ICOS: variants seen among roughly 807,000 people sequenced by gnomAD.
The protein encoded by ICOS is inducible T-cell costimulator.
ICOS carries 15 observed loss-of-function variants against 24.6 expected under a neutral mutation model. The ratio of observed to expected loss-of-function variants is 0.61; its 90% CI spans 0.41 to 0.94. The LOEUF (loss-of-function observed/expected upper bound fraction) is 0.94, where lower values mean the gene tolerates loss of function less well. ICOS is among the 40% of genes least tolerant of loss of function. The pLI, the probability that ICOS is intolerant of heterozygous loss-of-function variation, is 0.00. For synonymous variants in ICOS, 89 were observed against 77.5 expected, an observed-to-expected ratio of 1.15 and a Z score of -0.78; for missense variants, 200 against 233.0, an observed-to-expected ratio of 0.86 and a Z score of 0.92.
At chr2:203,952,498 G>C (rs1312821379) in intron 1 of ICOS, among the ~76,000 whole-genome samples, 1 of 152,160 alleles carries the variant, frequency 6.6e-6, no homozygotes, top group Non-Finnish European at 1.5e-5. Context: ...TTTTCACTAA[G>C]ATACATCTAG....
intron 1 of ICOS, among the ~76,000 whole-genome samples, chr2:203,937,513 A>G (rs1261773743): frequency 6.6e-6 from 1 of 152,232 alleles, no homozygotes; most frequent in African/African-American, 2.4e-5. Flanking sequence ...CTCTATATGG[A>G]CAATTTAAAT....
chr2:203,938,510 A>G (rs987892591), intron 1 of ICOS, among the ~76,000 whole-genome samples: 5 of 152,178 alleles, frequency 3.3e-5, no homozygotes, highest in African/African-American at 9.7e-5. Flanking sequence ...CTGGAAAGGA[A>G]AGTAGAGGCC....
At position 203,960,724 on chromosome 2, in the gene ICOS, G is replaced by C. The variant is rs930330531; in HGVS notation, c.*1125G>C. On this transcript the variant is annotated 3_prime_UTR_variant, in exon 5 of 5. Coordinates refer to ENST00000316386, the MANE Select transcript of ICOS (RefSeq NM_012092.4). ...GCCTCTGGGCTTGACAGGTCAAAAT[G>C]GTCCCCATCAGCCTGGAGCAGCCCT... The C allele has an allele frequency of 1.3e-5, 2 of 152,200 alleles. No individual in the cohort carries two copies. The highest frequency in any genetic ancestry group is 2.9e-5 in the Non-Finnish European group (2 of 68,042). 9.4% of individuals were successfully genotyped at this position (152,200 alleles called of 1,614,324 possible).
chr2:203,952,015 T>A (rs1689986568), intron 1 of ICOS, among the ~76,000 whole-genome samples: 1 of 152,190 alleles, frequency 6.6e-6, no homozygotes, highest in Admixed American at 6.5e-5. Flanking sequence ...TGTATGCTTT[T>A]AAACATACTT....
intron 1 of ICOS, among the ~76,000 whole-genome samples, chr2:203,952,010 G>A (rs1689986399): frequency 6.6e-6 from 1 of 151,692 alleles, no homozygotes; most frequent in African/African-American, 2.4e-5. Flanking sequence ...CCTTCTGTAT[G>A]CTTTTAAACA....
chr2:203,936,917 A>G, intron 1 of ICOS, 45 bp downstream of exon 1: 1 of 1,409,024 alleles, frequency 7.1e-7, no homozygotes, highest in Non-Finnish European at 1.0e-6. Flanking sequence ...TAATTCAAGT[A>G]AACATTAAGA....
intron 1 of ICOS, among the ~76,000 whole-genome samples, chr2:203,940,898 C>T (rs1689756396): frequency 6.6e-6 from 1 of 152,158 alleles, no homozygotes; most frequent in African/African-American, 2.4e-5. Context: ...ATTCTCCTGC[C>T]TCAGCCTCCC....
At chr2:203,957,443 G>A (rs751647790) in intron 3 of ICOS, among the ~76,000 whole-genome samples, 21 of 152,088 alleles carry the variant, frequency 1.4e-4, no homozygotes, top group Non-Finnish European at 2.1e-4. Context: ...TGCATATTAC[G>A]CGAGTATGCT....
intron 4 of ICOS, 131 bp from the exon 5 acceptor site, chr2:203,959,449 TGTGTGA>T (rs2105756636): frequency 5.5e-6 from 4 of 728,492 alleles, no homozygotes; most frequent in East Asian, 2.6e-5. Context: ...GCATGGTGTG[TGTGTGA>T]GTGTGTGTGT....
At chr2:203,944,965 A>G (rs1410825267) in intron 1 of ICOS, among the ~76,000 whole-genome samples, 1 of 152,238 alleles carries the variant, frequency 6.6e-6, no homozygotes, top group Non-Finnish European at 1.5e-5. Context: ...AGCATATTCT[A>G]GTAGTAAAGA....
intron 1 of ICOS, among the ~76,000 whole-genome samples, chr2:203,941,513 C>T (rs1449584122): frequency 6.6e-6 from 1 of 152,164 alleles, no homozygotes; most frequent in Non-Finnish European, 1.5e-5. Context: ...CAGTTGTAAA[C>T]AGCAAAATCT....
At chr2:203,940,793 T>G (rs1295098172) in intron 1 of ICOS, among the ~76,000 whole-genome samples, 1 of 151,620 alleles carries the variant, frequency 6.6e-6, no homozygotes, top group Non-Finnish European at 1.5e-5. Flanking sequence ...TTCTATTAAT[T>G]TTTTTTTTGA....
At chr2:203,943,196 A>G (rs1301469054) in intron 1 of ICOS, among the ~76,000 whole-genome samples, 3 of 152,100 alleles carry the variant, frequency 2.0e-5, no homozygotes, top group Admixed American at 2.0e-4. Flanking sequence ...TTGCTGGTGA[A>G]CTAGTGTGAT....
chr2:203,957,361 CT>C (rs1263527547), intron 3 of ICOS, among the ~76,000 whole-genome samples: 1 of 152,174 alleles, frequency 6.6e-6, no homozygotes, highest in Admixed American at 6.5e-5. Flanking sequence ...CAACAAAAAT[CT>C]CCCTGTGCTG....
rs767953238 is a variant in ICOS at position 203,956,716 on chromosome 2, T to C, written c.452T>C (p.Val151Ala). The change falls in exon 3 of 5, where the codon GTT (valine) becomes GCT (alanine). Residue 151 changes from valine (V) to alanine (A), a missense_variant. Val to Ala is a moderately conservative substitution (Grantham distance 64). Transcript: ENST00000316386. Reference sequence around the variant, plus strand: ...TTACCCATAGGATGTGCAGCCTTTGTTGTAGTCTGCATTTTGGGATGCATA... The same window carrying C: ...TTACCCATAGGATGTGCAGCCTTTGCTGTAGTCTGCATTTTGGGATGCATA... ...FWLPIGCAAF[V>A]VVCILGCILI... is the part of the protein sequence containing the mutation. 3.1e-6 allele frequency: 5 copies of C among 1,613,598 alleles called. No homozygotes were observed. The East Asian group carries it at 8.9e-5, about 29-fold the overall frequency.
intron 1 of ICOS, among the ~76,000 whole-genome samples, chr2:203,945,744 A>T (rs1689855897): frequency 6.6e-6 from 1 of 152,368 alleles, no homozygotes; most frequent in South Asian, 2.1e-4. Context: ...CCATATATAC[A>T]GTCCATCGTT....
At chr2:203,943,549 G>T (rs1689815119) in intron 1 of ICOS, among the ~76,000 whole-genome samples, 1 of 152,156 alleles carries the variant, frequency 6.6e-6, no homozygotes, top group Admixed American at 6.5e-5. Context: ...GTGCTGTTCT[G>T]GTGGAGGTGG....
intron 1 of ICOS, among the ~76,000 whole-genome samples, chr2:203,952,074 A>G (rs1179383138): frequency 6.6e-6 from 1 of 152,216 alleles, no homozygotes; most frequent in Admixed American, 6.5e-5. Context: ...AAAATGTATA[A>G]TTTAATGAAT....
chr2:203,943,545 T>C (rs908743344), intron 1 of ICOS, among the ~76,000 whole-genome samples: 1 of 152,136 alleles, frequency 6.6e-6, no homozygotes, highest in Non-Finnish European at 1.5e-5. Flanking sequence ...ACCAGTGCTG[T>C]TCTGGTGGAG....
Sources: gnomAD v4.1 joint callset for allele counts (sites outside exome capture counted in the v4.1 genomes callset) on GRCh38, gnomAD v4.1.1 for gene constraint, MANE v1.5 for transcripts, NCBI Gene and HGNC (gene_info 2026-07-23, HGNC 2026-07-21) for gene names.